ARB2A: variants seen among roughly 807,000 people sequenced by gnomAD.
The protein encoded by ARB2A is cotranscriptional regulator ARB2A.
At chr5:94,068,022 T>G in the ARB2A span, among the ~76,000 whole-genome samples, 48 of 152,306 alleles carry the variant, frequency 3.2e-4, no homozygotes, top group South Asian at 8.3e-3. Context: ...ATCCCAGCAC[T>G]TTGGGAGGCC....
the ARB2A span, among the ~76,000 whole-genome samples, chr5:93,827,910 C>A: frequency 1.1e-4 from 16 of 152,288 alleles, 1 homozygote; most frequent in South Asian, 3.3e-3. Context: ...TAGTCGTAGG[C>A]ATGCGGCGTT....
the ARB2A span, among the ~76,000 whole-genome samples, chr5:93,624,739 C>A: frequency 1.0e-3 from 152 of 152,200 alleles, no homozygotes; most frequent in South Asian, 1.9e-3. Flanking sequence ...GGGAGAAGGA[C>A]AGGGATAGTG....
At chr5:93,858,010 T>C in the ARB2A span, among the ~76,000 whole-genome samples, 1 of 152,310 alleles carries the variant, frequency 6.6e-6, no homozygotes, top group East Asian at 1.9e-4. Flanking sequence ...GTCATACTAA[T>C]GGCTATGATT....
chr5:93,852,076 T>G, the ARB2A span, among the ~76,000 whole-genome samples: 1 of 152,226 alleles, frequency 6.6e-6, no homozygotes. Flanking sequence ...AACAACAGTG[T>G]AAAAGTGTTC....
chr5:94,023,498 A>G, the ARB2A span, among the ~76,000 whole-genome samples: 2 of 152,244 alleles, frequency 1.3e-5, no homozygotes, highest in Non-Finnish European at 1.5e-5. Flanking sequence ...ATTACACCAG[A>G]TGCCTGAAGG....
At chr5:93,896,033 T>C in the ARB2A span, among the ~76,000 whole-genome samples, 7 of 152,018 alleles carry the variant, frequency 4.6e-5, no homozygotes, top group South Asian at 1.4e-3. Context: ...TCTCAATATT[T>C]TCATAAAGAA....
the ARB2A span, among the ~76,000 whole-genome samples, chr5:93,974,861 T>C: frequency 6.6e-6 from 1 of 152,136 alleles, no homozygotes; most frequent in Non-Finnish European, 1.5e-5. Flanking sequence ...ATGGATATCA[T>C]TACATAAAAG....
the ARB2A span, among the ~76,000 whole-genome samples, chr5:93,627,443 G>GTTTTT: frequency 1.8e-4 from 23 of 130,526 alleles, no homozygotes; most frequent in Non-Finnish European, 2.5e-4. Context: ...AATGTGTTTT[G>GTTTTT]TTTTTTTTTT....
chr5:93,677,481 G>C, the ARB2A span, among the ~76,000 whole-genome samples: 3 of 152,176 alleles, frequency 2.0e-5, no homozygotes, highest in African/African-American at 4.8e-5. Flanking sequence ...GTGAGCAGGC[G>C]TGCTGCCACA....
At chr5:94,074,897 A>T in the ARB2A span, 1 of 584,292 alleles carries the variant, frequency 1.7e-6, no homozygotes, top group South Asian at 2.2e-5. Context: ...TGCCTATGCC[A>T]TAGTACTTAT....
chr5:93,969,814 A>C, the ARB2A span, among the ~76,000 whole-genome samples: 1 of 152,100 alleles, frequency 6.6e-6, no homozygotes, highest in Non-Finnish European at 1.5e-5. Flanking sequence ...ATTAAATAAG[A>C]AGCCAGCAAT....
At chr5:93,843,331 G>GT in the ARB2A span, among the ~76,000 whole-genome samples, 4 of 151,148 alleles carry the variant, frequency 2.6e-5, no homozygotes, top group Admixed American at 2.6e-4. Context: ...AGAAACGGAA[G>GT]TTTTGCAGAC....
the ARB2A span, among the ~76,000 whole-genome samples, chr5:94,037,078 T>C: frequency 2.0e-5 from 3 of 152,274 alleles, no homozygotes; most frequent in East Asian, 3.9e-4. Context: ...TATATTTCCA[T>C]GTGTAGTTGG....
the ARB2A span, among the ~76,000 whole-genome samples, chr5:93,853,728 G>C: frequency 2.0e-5 from 3 of 152,278 alleles, no homozygotes; most frequent in South Asian, 6.2e-4. Context: ...TGTGGTTTTT[G>C]TCTTTGGCTC....
At chr5:93,860,319 A>C in the ARB2A span, among the ~76,000 whole-genome samples, 1 of 152,132 alleles carries the variant, frequency 6.6e-6, no homozygotes, top group Non-Finnish European at 1.5e-5. Context: ...CTTATACTAT[A>C]ATAGCAAAAA....
At chr5:94,086,283 C>A in the ARB2A span, among the ~76,000 whole-genome samples, 1 of 152,156 alleles carries the variant, frequency 6.6e-6, no homozygotes, top group African/African-American at 2.4e-5. Context: ...GAAATACAGT[C>A]ACACAACACA....
chr5:93,663,723 T>C, the ARB2A span, among the ~76,000 whole-genome samples: 2 of 152,224 alleles, frequency 1.3e-5, no homozygotes, highest in Admixed American at 6.5e-5. Flanking sequence ...TTTGTTCAGG[T>C]CTTGGTGATA....
the ARB2A span, chr5:93,861,971 T>G: frequency 1.9e-3 from 284 of 152,352 alleles, no homozygotes; most frequent in African/African-American, 6.6e-3. Flanking sequence ...ATATTCTATT[T>G]AGAAGTAATA....
At chr5:93,733,923 A>T in the ARB2A span, 1 of 152,252 alleles carries the variant, frequency 6.6e-6, no homozygotes, top group Non-Finnish European at 1.5e-5. Flanking sequence ...AGTAGGCAAG[A>T]CTATTTCTAG....
Sources: allele counts gnomAD v4.1 joint callset (sites outside exome capture counted in the v4.1 genomes callset), GRCh38; gene constraint gnomAD v4.1.1; transcripts MANE v1.5; gene names NCBI Gene and HGNC (gene_info 2026-07-23, HGNC 2026-07-21).